FGL1: variants seen among roughly 807,000 people sequenced by gnomAD.
FGL1 encodes fibrinogen like 1, also known as fibrinogen-like protein 1.
Under a neutral mutation model 43.7 loss-of-function variants are expected in FGL1, and 59 were observed. The ratio of observed to expected loss-of-function variants is 1.35; its 90% CI spans 1.10 to 1.68. The LOEUF is 1.68. Among genes scored for constraint, FGL1 ranks in the 40% most tolerant of loss-of-function variants. The probability of loss-of-function intolerance (pLI) is 0.00; values close to 1 mark genes in which losing one functional copy is unlikely to be tolerated. For missense variants in FGL1, 596 were observed against 373.0 expected (o/e 1.60, Z -4.92); for synonymous variants, 192 against 126.5 (o/e 1.52, Z -3.48).
chr8:17,892,649 C>T (rs2053721115), intron 1 of FGL1, among the ~76,000 whole-genome samples: 1 of 152,078 alleles, frequency 6.6e-6, no homozygotes, highest in Non-Finnish European at 1.5e-5. Context: ...AGGATTTTTC[C>T]TTGATAAATG....
chr8:17,885,320 G>A (rs373607237), intron 2 of FGL1, among the ~76,000 whole-genome samples, 172 bp downstream of exon 2: 10 of 152,138 alleles, frequency 6.6e-5, no homozygotes, highest in East Asian at 3.9e-4. Flanking sequence ...AATGTAAAGC[G>A]CTTTAAAGTG....
intron 3 of FGL1, among the ~76,000 whole-genome samples, chr8:17,877,567 G>A (rs1181129479): frequency 6.6e-6 from 1 of 151,568 alleles, no homozygotes. Flanking sequence ...TGGGATATGC[G>A]AGAACTGGCC....
At chr8:17,876,714 A>C (rs771579721) in intron 3 of FGL1, among the ~76,000 whole-genome samples, 54 of 152,204 alleles carry the variant, frequency 3.5e-4, no homozygotes, top group Non-Finnish European at 4.4e-5. Context: ...ATTTCCTACC[A>C]AAGAGCTGAA....
chr8:17,891,924 C>T (rs2053710892), intron 1 of FGL1: 1 of 288,844 alleles, frequency 3.5e-6, no homozygotes, highest in Non-Finnish European at 5.2e-6. Flanking sequence ...TTAAAAGAGA[C>T]ATTTGGATTT....
chr8:17,875,853 C>G (rs896026108), intron 3 of FGL1, among the ~76,000 whole-genome samples: 1 of 152,028 alleles, frequency 6.6e-6, no homozygotes, highest in Non-Finnish European at 1.5e-5. Context: ...GCCATCCGCC[C>G]GCCTCGGCCT....
At chr8:17,868,895 C>G in intron 6 of FGL1, 21 bp downstream of exon 6, 1 of 1,558,688 alleles carries the variant, frequency 6.4e-7, no homozygotes, top group Non-Finnish European at 8.7e-7. Context: ...CACGGTTTTA[C>G]TTCTTAGAAA....
chr8:17,877,947 T>G (rs2053480834), intron 3 of FGL1, among the ~76,000 whole-genome samples: 1 of 152,180 alleles, frequency 6.6e-6, no homozygotes, highest in Non-Finnish European at 1.5e-5. Context: ...ATGTTAAATA[T>G]ATTAACTCAT....
At chr8:17,868,819 A>C in intron 6 of FGL1, 84 bp from the exon 7 acceptor site, 1 of 1,461,410 alleles carries the variant, frequency 6.8e-7, no homozygotes. Flanking sequence ...ACAAAAGAAC[A>C]GGTTCTATTG....
Position 17,868,740 on chromosome 8 carries a change from A to G in FGL1, c.592-5T>C. On this transcript the variant is annotated splice_polypyrimidine_tract_variant and splice_region_variant and intron_variant, in intron 6 of 7. Transcript: ENST00000427924. ...AATATTCAACTCGTAGAAATTCTAA[A>G]GAAAAAGGGCATTTCTGCTGTCAGT... is the stretch of plus-strand genomic sequence containing the variant. 2 of 1,607,048 alleles carry G rather than the reference A, an allele frequency of 1.2e-6. No homozygotes were observed. Among genetic ancestry groups the G allele is most frequent in the Middle Eastern group, 1.7e-4 (1 of 5,996 alleles).
At chr8:17,874,257 T>A in intron 4 of FGL1, 105 bp downstream of exon 4, 1 of 1,400,178 alleles carries the variant, frequency 7.1e-7, no homozygotes. Flanking sequence ...TTAGAGAGAT[T>A]GAAATTCTGT....
rs529294164 is a variant in FGL1 at position 17,886,820 on chromosome 8, T to C, written c.-17-1249A>G. On this transcript the variant is annotated intron_variant, in intron 1 of 7. Coordinates refer to ENST00000427924, the MANE Select transcript of FGL1 (RefSeq NM_004467.4). The stretch of plus-strand genomic sequence containing the variant: ...AGGAGAGGAGAGGAGAGAAGAGAAG[T>C]AGGGGAATTGGCAAAGCAGCAGTAG... Among the ~76,000 whole-genome samples the C allele has an allele frequency of 3.6e-3, 547 of 150,026 alleles. 1 individual carries two copies. The highest frequency in any genetic ancestry group is 6.5e-3 in the Non-Finnish European group (441 of 67,450).
At chr8:17,874,266 G>C (rs2053409490) in intron 4 of FGL1, 96 bp downstream of exon 4, 1 of 1,405,550 alleles carries the variant, frequency 7.1e-7, no homozygotes, top group Admixed American at 2.1e-5. Context: ...TTGAAATTCT[G>C]TCTAATTAAT....
At chr8:17,879,477 TG>T (rs1230000315) in intron 3 of FGL1, among the ~76,000 whole-genome samples, 2 of 152,096 alleles carry the variant, frequency 1.3e-5, no homozygotes, top group Admixed American at 1.3e-4. Context: ...GATTGGCTCA[TG>T]GGGGTGGAGT....
intron 1 of FGL1, among the ~76,000 whole-genome samples, chr8:17,893,494 C>T (rs1052689123): frequency 9.3e-5 from 14 of 150,368 alleles, no homozygotes; most frequent in Admixed American, 2.0e-4. Context: ...AAATAAAGGG[C>T]TAATGAAATT....
At chr8:17,877,611 AG>A (rs2053475266) in intron 3 of FGL1, among the ~76,000 whole-genome samples, 1 of 76,678 alleles carries the variant, frequency 1.3e-5, no homozygotes, top group Non-Finnish European at 3.3e-5. Context: ...AGGCAACATA[AG>A]GAAAAAAAAA....
rs749194783 is a variant in FGL1 at position 17,874,156 on chromosome 8, AT to A, written c.405-41del. On this transcript the variant is annotated intron_variant, in intron 4 of 7. Coordinates refer to ENST00000427924, the MANE Select transcript of FGL1 (RefSeq NM_004467.4). ...GTGGAAGCCGATTAGAGCAAACTCC[AT>A]TTGTGGTACCAAAGCGACCACCACC... The A allele has an allele frequency of 6.5e-6, 10 of 1,543,308 alleles. No homozygotes were observed. The South Asian group carries it at 1.0e-4, about 16-fold the overall frequency.
At chr8:17,872,962 G>A (rs1381528042) in intron 5 of FGL1, among the ~76,000 whole-genome samples, 1 of 152,124 alleles carries the variant, frequency 6.6e-6, no homozygotes, top group African/African-American at 2.4e-5. Context: ...AACAAGCAAA[G>A]TAAAATGTTA....
At chr8:17,865,669 A>T (rs1563444839) in intron 7 of FGL1, among the ~76,000 whole-genome samples, 1 of 152,346 alleles carries the variant, frequency 6.6e-6, no homozygotes, top group South Asian at 2.1e-4. Flanking sequence ...TATAATTTAC[A>T]TGTAACAGTA....
intron 3 of FGL1, among the ~76,000 whole-genome samples, chr8:17,876,123 T>C (rs1309258250): frequency 6.6e-6 from 1 of 152,220 alleles, no homozygotes; most frequent in Non-Finnish European, 1.5e-5. Flanking sequence ...ATAAAAATAC[T>C]ATAACATCAT....
Sources: gnomAD v4.1 joint callset for allele counts (sites outside exome capture counted in the v4.1 genomes callset) on GRCh38, gnomAD v4.1.1 for gene constraint, MANE v1.5 for transcripts, NCBI Gene and HGNC (gene_info 2026-07-23, HGNC 2026-07-21) for gene names.